POFUT1: variants seen among roughly 807,000 people sequenced by gnomAD.
The protein encoded by POFUT1 is protein O-fucosyltransferase 1, also known as GDP-fucose protein O-fucosyltransferase 1.
A neutral mutation model predicts 42.4 loss-of-function variants in POFUT1; 16 were observed. The observed-to-expected ratio is 0.38, with a 90% CI of 0.26 to 0.57. The LOEUF (loss-of-function observed/expected upper bound fraction) is 0.57, where lower values mean the gene tolerates loss of function less well. Among genes scored for constraint, POFUT1 ranks in the 20% least tolerant of loss-of-function variants. POFUT1 has a pLI of 0.71. For missense variants in POFUT1, 470 were observed against 504.6 expected, an observed-to-expected ratio of 0.93 and a Z score of 0.66; for synonymous variants, 206 against 205.4, an observed-to-expected ratio of 1.00 and a Z score of -0.03.
rs369814048 is a variant in POFUT1, at chr20:32,234,669, C to G, written c.*8C>G. ...CTGCGGGACGAGTTCTGATTCTGGC[C>G]GGAGCACCAGACCCTCTGATCCTGG... On this transcript the variant is annotated 3_prime_UTR_variant, in exon 7 of 7. Transcript: ENST00000375749. 6.3e-7 allele frequency: 1 copy of G among 1,595,252 alleles called. No individual in the cohort carries two copies. The highest frequency in any genetic ancestry group is 8.5e-7 in the Non-Finnish European group (1 of 1,169,618).
chr20:32,212,162 G>A (rs1415723118), intron 2 of POFUT1, among the ~76,000 whole-genome samples: 2 of 152,112 alleles, frequency 1.3e-5, no homozygotes, highest in African/African-American at 2.4e-5. Context: ...ACCATTACTT[G>A]CTTTGCTATA....
chr20:32,228,568 C>A, intron 5 of POFUT1, 113 bp downstream of exon 5: 1 of 896,510 alleles, frequency 1.1e-6, no homozygotes, highest in Non-Finnish European at 1.7e-6. Flanking sequence ...CTCACTTGTT[C>A]TGGTTCGTGG....
intron 5 of POFUT1, 73 bp downstream of exon 5, chr20:32,228,528 G>A (rs576666651): frequency 9.3e-5 from 124 of 1,334,746 alleles, no homozygotes; most frequent in Non-Finnish European, 1.2e-4. Flanking sequence ...TGTAGGGATC[G>A]GCCCCGCGTC....
chr20:32,234,627 T>G lies in POFUT1; in HGVS notation c.1133T>G (p.Met378Arg). ...GGGAGGCCGTCTTCTTTCTTCGGCA[T>G]GGACAGGCCCCCTAAGCTGCGGGAC... The part of the protein sequence containing the change: ...LQGRPSSFFG[M>R]DRPPKLRDEF The change falls in exon 7 of 7, where the codon ATG (methionine) becomes AGG (arginine). Residue 378 changes from methionine (M) to arginine (R), a missense_variant. Physicochemically the swap from Met to Arg is moderately conservative, Grantham distance 91 (BLOSUM62 -1). Coordinates refer to ENST00000375749, the MANE Select transcript of POFUT1 (RefSeq NM_015352.2). The G allele has an allele frequency of 6.2e-7, 1 of 1,613,352 alleles. No homozygotes were observed. The highest frequency in any genetic ancestry group is 8.5e-7 in the Non-Finnish European group (1 of 1,179,580).
Position 32,235,133 on chromosome 20 carries a change from G to A in POFUT1, c.*472G>A, listed in dbSNP as rs1208646248. On this transcript the variant is annotated 3_prime_UTR_variant, in exon 7 of 7. Coordinates refer to ENST00000375749, the MANE Select transcript of POFUT1 (RefSeq NM_015352.2). The stretch of plus-strand genomic sequence containing the variant: ...CTGAATGTGGATGAGGCTGGGGCTG[G>A]TGTGGGTCTTTTGGCTGCTTTTCAA... 2.0e-5 allele frequency: 3 copies of A among 153,448 alleles called. No individual in the cohort carries two copies. The highest frequency in any genetic ancestry group is 7.2e-5 in the African/African-American group (3 of 41,462). 9.5% of individuals were successfully genotyped at this position (153,448 alleles called of 1,614,324 possible).
intron 4 of POFUT1, chr20:32,217,437 G>C: frequency 9.9e-7 from 1 of 1,009,640 alleles, no homozygotes; most frequent in Non-Finnish European, 1.2e-6. Flanking sequence ...CAAAGCACTT[G>C]GCATTTAATA....
rs368172687 is a variant in POFUT1, at chr20:32,207,940, A to T, written c.-2A>T. The T allele has an allele frequency of 2.5e-6, 4 of 1,585,172 alleles. No individual in the cohort carries two copies. The South Asian group carries it at 3.4e-5, about 13-fold the overall frequency. On this transcript the variant is annotated 5_prime_UTR_variant, in exon 1 of 7. Coordinates refer to ENST00000375749, the MANE Select transcript of POFUT1 (RefSeq NM_015352.2). The stretch of plus-strand genomic sequence containing the variant: ...GCGGCTGGCTCGGGTTCCCGGGCCG[A>T]CATGGGCGCCGCCGCGTGGGCACGG...
In POFUT1 at chr20:32,208,014, C is replaced by T. The variant is rs773407006; in HGVS notation, c.73C>T (p.Pro25Ser). ...LLLLLPLPGM[P>S]AGSWDPAGYL... Reference sequence around the variant, plus strand: ...GCTGCTTCTGCCGCTCCCGGGGATGCCTGCGGGCTCCTGGGACCCGGCCGG... The same window carrying T: ...GCTGCTTCTGCCGCTCCCGGGGATGTCTGCGGGCTCCTGGGACCCGGCCGG... Residue 25 changes from proline (P) to serine (S), a missense_variant, in exon 1 of 7, where the codon CCT becomes TCT. By Grantham distance (74) the Pro-to-Ser change is moderately conservative. Transcript: ENST00000375749. 3 of 1,582,312 alleles carry T rather than the reference C, an allele frequency of 1.9e-6. No individual in the cohort carries two copies. Among genetic ancestry groups the T allele is most frequent in the Admixed American group, 1.8e-5 (1 of 56,944 alleles).
chr20:32,237,960 T>C lies in POFUT1; in HGVS notation c.*3299T>C. The stretch of plus-strand genomic sequence containing the variant: ...ACAAATATTTACATAGTTTTAATCA[T>C]GTAATATATACAATTTAATGTCCTA... On this transcript the variant is annotated 3_prime_UTR_variant, in exon 7 of 7. Transcript: ENST00000375749. 1 of 416,916 alleles carries C rather than the reference T, an allele frequency of 2.4e-6. No individual in the cohort carries two copies. The highest frequency in any genetic ancestry group is 1.8e-5 in the South Asian group (1 of 57,012). 25.8% of individuals were successfully genotyped at this position (416,916 alleles called of 1,614,324 possible).
intron 4 of POFUT1, among the ~76,000 whole-genome samples, chr20:32,225,477 G>A (rs1238345833): frequency 6.6e-6 from 1 of 150,982 alleles, no homozygotes; most frequent in Non-Finnish European, 1.5e-5. Context: ...GTGAGCCACC[G>A]CGCCCGGTCA....
chr20:32,219,099 T>C (rs2047377314), intron 4 of POFUT1, among the ~76,000 whole-genome samples: 1 of 152,158 alleles, frequency 6.6e-6, no homozygotes, highest in South Asian at 2.1e-4. Context: ...GCTGGGGATA[T>C]AGGCCAGAAT....
At chr20:32,225,404 G>T (rs1268477796) in intron 4 of POFUT1, among the ~76,000 whole-genome samples, 1 of 152,012 alleles carries the variant, frequency 6.6e-6, no homozygotes, top group Non-Finnish European at 1.5e-5. Flanking sequence ...AGCCAGGATG[G>T]TCTCGATCTC....
intron 1 of POFUT1, among the ~76,000 whole-genome samples, chr20:32,208,708 A>G (rs1569147617): frequency 1.4e-5 from 2 of 142,962 alleles, no homozygotes; most frequent in African/African-American, 5.3e-5. Context: ...GTCCCTTGGG[A>G]GTTATCTGGG....
Position 32,210,110 on chromosome 20 carries a change from T to C in POFUT1, c.164T>C (p.Leu55Pro). The C allele has an allele frequency of 6.2e-7, 1 of 1,614,206 alleles. No individual in the cohort carries two copies. Among genetic ancestry groups the C allele is most frequent in the Non-Finnish European group, 8.5e-7 (1 of 1,180,018 alleles). ...CAGGCCGATCACTTCTTGGGCTCTC[T>C]GGCATTTGCAAAGCTGCTAAACCGT... ...GNQADHFLGS[L>P]AFAKLLNRTL... Residue 55 changes from leucine (L) to proline (P), a missense_variant, in exon 2 of 7, where the codon CTG becomes CCG. Coordinates refer to ENST00000375749, the MANE Select transcript of POFUT1 (RefSeq NM_015352.2).
At chr20:32,212,891 T>C (rs888136430) in intron 2 of POFUT1, among the ~76,000 whole-genome samples, 3 of 151,974 alleles carry the variant, frequency 2.0e-5, no homozygotes, top group African/African-American at 7.2e-5. Context: ...CAGAATTTTT[T>C]TTTTTTTTCC....
In POFUT1 at chr20:32,232,100, C is replaced by T. The variant is rs191058686; in HGVS notation, c.978+1039C>T. 9.9e-5 allele frequency among the ~76,000 whole-genome samples: 15 copies of T among 152,266 alleles called. No homozygotes were observed. The East Asian group carries it at 2.9e-3, about 29-fold the overall frequency. On this transcript the variant is annotated intron_variant, in intron 6 of 6. Coordinates refer to ENST00000375749, the MANE Select transcript of POFUT1 (RefSeq NM_015352.2). ...ATATCAAGGGCCTCCCCTTCTCTTT[C>T]ACCCCAGACACAGGAAGCTCCAGTG...
At chr20:32,215,551 C>G (rs1468825463) in intron 3 of POFUT1, 100 bp downstream of exon 3, 21 of 1,020,524 alleles carry the variant, frequency 2.1e-5, no homozygotes, top group Middle Eastern at 3.4e-4. Flanking sequence ...ACCAGAAGGA[C>G]TTAGAATAGA....
At chr20:32,216,959 CATA>C in intron 4 of POFUT1, 4 of 1,608,036 alleles carry the variant, frequency 2.5e-6, no homozygotes, top group Non-Finnish European at 8.5e-7. Flanking sequence ...TAAGGGATGT[CATA>C]AAAAGAACAT....
chr20:32,221,915 A>G (rs1023392924), intron 4 of POFUT1, among the ~76,000 whole-genome samples: 5 of 152,284 alleles, frequency 3.3e-5, no homozygotes, highest in East Asian at 1.9e-4. Context: ...GAAGCCCGAA[A>G]TAAGAGCAGA....
Sources: allele counts gnomAD v4.1 joint callset (sites outside exome capture counted in the v4.1 genomes callset), GRCh38; gene constraint gnomAD v4.1.1; transcripts MANE v1.5; gene names NCBI Gene and HGNC (gene_info 2026-07-23, HGNC 2026-07-21).